The following ADAM23 variants were observed in gnomAD, a reference collection of about 807,000 sequenced individuals.
ADAM23 encodes the protein disintegrin and metalloproteinase domain-containing protein 23.
A neutral mutation model predicts 120.1 loss-of-function variants in ADAM23; 33 were observed. The ratio of observed to expected loss-of-function variants is 0.27; its 90% CI spans 0.21 to 0.37. ADAM23 has a LOEUF of 0.37. Among genes scored for constraint, ADAM23 ranks in the 10% least tolerant of loss-of-function variants. ADAM23 has a pLI of 1.00. For missense variants in ADAM23, 862 were observed against 1,058.2 expected (o/e 0.81, Z 2.57); for synonymous variants, 367 against 375.2 (o/e 0.98, Z 0.25).
In ADAM23 at chr2:206,548,315, T is replaced by C. The variant is rs1411685786; in HGVS notation, c.828T>C (p.Ser276=). ...GAGGTGACCAGTGGCCCTTTCTCTC[T>C]GAATTACAGTGGTTGAAAAGAAGGA... ...MERGDQWPFL[S]ELQWLKRRKR... is the part of the protein sequence containing the mutation. Residue 276 remains serine (S), a synonymous_variant, in exon 8 of 26, where the codon TCT becomes TCC. Transcript: ENST00000264377. The C allele has an allele frequency of 6.2e-6, 10 of 1,611,902 alleles. No homozygotes were observed. Among genetic ancestry groups the C allele is most frequent in the Non-Finnish European group, 8.5e-6 (10 of 1,179,956 alleles).
chr2:206,511,283 C>T (rs1696616815), intron 3 of ADAM23, among the ~76,000 whole-genome samples: 1 of 152,084 alleles, frequency 6.6e-6, no homozygotes, highest in South Asian at 2.1e-4. Context: ...AGTATTTGAA[C>T]ATTTCCTCTG....
intron 3 of ADAM23, among the ~76,000 whole-genome samples, chr2:206,514,788 A>G (rs1345494986): frequency 6.6e-6 from 1 of 152,206 alleles, no homozygotes; most frequent in Non-Finnish European, 1.5e-5. Context: ...GCAACCACTG[A>G]TCACTCAGTT....
rs200030458 is a variant in ADAM23 at position 206,567,077 on chromosome 2, A to G, written c.1395-146A>G. The G allele has an allele frequency of 2.2e-5, 14 of 624,912 alleles. No homozygotes were observed. In the East Asian group the frequency reaches 2.7e-4, roughly 12 times the overall value. The allele number at this position is 624,912 out of a possible 1,614,324, so 38.7% of individuals were successfully genotyped here. A position where few individuals can be genotyped will look rare whatever the true frequency, so the allele number is the denominator to read the frequency against. On this transcript the variant is annotated intron_variant, in intron 14 of 25. Transcript: ENST00000264377. ...CTCCACCACAGGTACTTAAGTGGCA[A>G]TTTGAACATAAGTCCCTTGTCAAAA...
chr2:206,610,413 G>A (rs533458271), intron 25 of ADAM23, among the ~76,000 whole-genome samples: 1 of 152,166 alleles, frequency 6.6e-6, no homozygotes, highest in South Asian at 2.1e-4. Context: ...CACAACCTAA[G>A]TAATTATGCA....
At chr2:206,500,860 A>AT (rs1333253242) in intron 3 of ADAM23, among the ~76,000 whole-genome samples, 2 of 151,968 alleles carry the variant, frequency 1.3e-5, no homozygotes, top group African/African-American at 2.4e-5. Context: ...TTAATTATTT[A>AT]TTTTTTTAGT....
chr2:206,603,038 G>A (rs79363567), intron 24 of ADAM23, among the ~76,000 whole-genome samples: 27 of 152,178 alleles, frequency 1.8e-4, no homozygotes, highest in African/African-American at 6.0e-4. Context: ...AGCTTTAAGC[G>A]TTCCATCTCC....
Position 206,619,925 on chromosome 2 carries a change from A to C in ADAM23, c.*2298A>C, listed in dbSNP as rs932050930. ...CCTTACTCCTGGCTTCATAGGACAC[A>C]GGTAGCATCCCTCTAGTCATTGGCA... is the stretch of plus-strand genomic sequence containing the variant. On this transcript the variant is annotated 3_prime_UTR_variant, in exon 26 of 26. Transcript: ENST00000264377. 1 of 152,246 alleles carries C rather than the reference A, an allele frequency of 6.6e-6. No individual in the cohort carries two copies. The highest frequency in any genetic ancestry group is 1.5e-5 in the Non-Finnish European group (1 of 68,044). The allele number at this position is 152,246 out of a possible 1,614,324, so 9.4% of individuals were successfully genotyped here. A position where few individuals can be genotyped will look rare whatever the true frequency, so the allele number is the denominator to read the frequency against.
At chr2:206,592,557 T>C (rs1274609086) in intron 21 of ADAM23, 60 bp from the exon 22 acceptor site, 1 of 1,572,448 alleles carries the variant, frequency 6.4e-7, no homozygotes, top group African/African-American at 1.4e-5. Flanking sequence ...CCGAATCGTT[T>C]TGATTTTTTG....
intron 3 of ADAM23, among the ~76,000 whole-genome samples, chr2:206,486,482 T>C (rs913440264): frequency 1.3e-5 from 2 of 152,170 alleles, no homozygotes; most frequent in Non-Finnish European, 2.9e-5. Context: ...GGTCTGAGGA[T>C]TGATTGTCTC....
chr2:206,589,915 C>T (rs1698393993), intron 21 of ADAM23, among the ~76,000 whole-genome samples: 1 of 151,896 alleles, frequency 6.6e-6, no homozygotes. Context: ...TTTTTGCGAC[C>T]AACGTGAAAT....
intron 3 of ADAM23, among the ~76,000 whole-genome samples, chr2:206,527,157 A>G (rs1696962279): frequency 6.6e-6 from 1 of 152,242 alleles, no homozygotes; most frequent in African/African-American, 2.4e-5. Context: ...GAGTTTGCCC[A>G]CAAGTTGTTA....
At chr2:206,593,748 G>C (rs868037985) in intron 22 of ADAM23, among the ~76,000 whole-genome samples, 1 of 151,862 alleles carries the variant, frequency 6.6e-6, no homozygotes, top group Admixed American at 6.6e-5. Flanking sequence ...TACTAAACTA[G>C]CATATTTGTT....
chr2:206,450,307 C>G (rs149923524), intron 2 of ADAM23, among the ~76,000 whole-genome samples: 1 of 152,318 alleles, frequency 6.6e-6, no homozygotes, highest in East Asian at 1.9e-4. Flanking sequence ...ATCTAAAGAG[C>G]TGCCTTTATC....
chr2:206,474,028 A>C (rs554397674), intron 2 of ADAM23, among the ~76,000 whole-genome samples: 12 of 151,482 alleles, frequency 7.9e-5, no homozygotes, highest in Non-Finnish European at 1.6e-4. Context: ...AAAAAAACAA[A>C]AAAAAAAAAC....
intron 2 of ADAM23, among the ~76,000 whole-genome samples, chr2:206,468,607 C>G (rs1162879652): frequency 6.6e-6 from 1 of 152,126 alleles, no homozygotes; most frequent in Non-Finnish European, 1.5e-5. Flanking sequence ...TAGGAAGTTC[C>G]AAATGTTCCC....
intron 3 of ADAM23, among the ~76,000 whole-genome samples, chr2:206,486,325 C>T (rs1394982413): frequency 7.3e-5 from 11 of 150,756 alleles, no homozygotes; most frequent in Admixed American, 5.9e-4. Flanking sequence ...ACTAGGGTAA[C>T]GTTTCTTGTC....
At chr2:206,595,728 G>A (rs1048178846) in intron 23 of ADAM23, among the ~76,000 whole-genome samples, 4 of 151,988 alleles carry the variant, frequency 2.6e-5, no homozygotes, top group African/African-American at 4.8e-5. Flanking sequence ...TCAGACATTT[G>A]TATACTTATG....
intron 18 of ADAM23, among the ~76,000 whole-genome samples, chr2:206,581,608 T>G (rs1559275386): frequency 6.6e-6 from 1 of 152,266 alleles, no homozygotes. Context: ...TTCAGTTTTC[T>G]TAAATTTATT....
chr2:206,548,438 T>C (rs1697445580), intron 8 of ADAM23, 84 bp downstream of exon 8: 1 of 1,323,724 alleles, frequency 7.6e-7, no homozygotes, highest in South Asian at 1.3e-5. Context: ...TAAGTGTACC[T>C]AAAACAGTTC....
Sources: allele counts gnomAD v4.1 joint callset (sites outside exome capture counted in the v4.1 genomes callset), GRCh38; gene constraint gnomAD v4.1.1; transcripts MANE v1.5; gene names NCBI Gene and HGNC (gene_info 2026-07-23, HGNC 2026-07-21).